Variants in CORO1C observed in about 807,000 individuals in gnomAD.
CORO1C encodes the protein coronin-1C.
Under a neutral mutation model 51.2 loss-of-function variants are expected in CORO1C, and 14 were observed. The ratio of observed to expected loss-of-function variants is 0.27; its 90% CI spans 0.18 to 0.43. The LOEUF (loss-of-function observed/expected upper bound fraction) is 0.43. Among genes scored for constraint, CORO1C ranks in the 20% least tolerant of loss-of-function variants. The pLI, the probability that CORO1C is intolerant of heterozygous loss-of-function variation, is 1.00. For synonymous variants in CORO1C, 181 were observed against 210.5 expected (o/e 0.86, Z 1.21); for missense variants, 417 against 607.8 (o/e 0.69, Z 3.30).
intron 1 of CORO1C, chr12:108,730,373 C>T (rs2035690029): frequency 6.6e-6 from 1 of 152,240 alleles, no homozygotes; most frequent in African/African-American, 2.4e-5. Flanking sequence ...CGCCTCCCTC[C>T]AAGAGGAAGC....
chr12:108,703,647 G>A (rs1055045641), intron 1 of CORO1C, among the ~76,000 whole-genome samples: 1 of 152,200 alleles, frequency 6.6e-6, no homozygotes, highest in Admixed American at 6.5e-5. Flanking sequence ...AGGGATGTGG[G>A]AGAGGGACTA....
intron 1 of CORO1C, among the ~76,000 whole-genome samples, chr12:108,718,110 T>C (rs184040679): frequency 7.4e-4 from 112 of 152,212 alleles, no homozygotes; most frequent in African/African-American, 2.6e-3. Context: ...TCCCAGTACT[T>C]TGGGAGGCCA....
intron 2 of CORO1C, among the ~76,000 whole-genome samples, chr12:108,679,155 AG>A (rs2034031811): frequency 6.2e-5 from 9 of 145,240 alleles, no homozygotes; most frequent in East Asian, 1.9e-4. Context: ...AAAAAAAAAA[AG>A]AAATTTAAAA....
chr12:108,697,222 G>T (rs1365251342), intron 2 of CORO1C, among the ~76,000 whole-genome samples: 1 of 152,134 alleles, frequency 6.6e-6, no homozygotes, highest in Non-Finnish European at 1.5e-5. Flanking sequence ...TTCTGAAAGG[G>T]TCATAATCCA....
At chr12:108,710,146 T>C (rs766548619) in intron 1 of CORO1C, among the ~76,000 whole-genome samples, 3 of 152,204 alleles carry the variant, frequency 2.0e-5, no homozygotes, top group Non-Finnish European at 4.4e-5. Flanking sequence ...ATGGTTTTTA[T>C]TATAATAAAA....
chr12:108,722,418 G>A (rs2035493552), intron 1 of CORO1C, among the ~76,000 whole-genome samples: 1 of 152,168 alleles, frequency 6.6e-6, no homozygotes, highest in South Asian at 2.1e-4. Context: ...GGGCTGCAGT[G>A]GCATGAGACC....
At chr12:108,679,281 A>G (rs1341348540) in intron 2 of CORO1C, among the ~76,000 whole-genome samples, 1 of 152,082 alleles carries the variant, frequency 6.6e-6, no homozygotes, top group African/African-American at 2.4e-5. Context: ...TGCCAGCCAG[A>G]CAATCTAGTT....
intron 1 of CORO1C, among the ~76,000 whole-genome samples, chr12:108,729,210 A>C (rs572761068): frequency 1.3e-5 from 2 of 152,338 alleles, no homozygotes; most frequent in Admixed American, 1.3e-4. Context: ...GTGACAGATA[A>C]GTTAAACATA....
chr12:108,725,926 C>T (rs1176739819), intron 1 of CORO1C, among the ~76,000 whole-genome samples: 1 of 152,082 alleles, frequency 6.6e-6, no homozygotes, highest in Non-Finnish European at 1.5e-5. Flanking sequence ...GCCTCTGCCT[C>T]CCAGGTTTCA....
intron 1 of CORO1C, among the ~76,000 whole-genome samples, chr12:108,715,644 T>G (rs955663418): frequency 3.0e-5 from 1 of 33,798 alleles, no homozygotes. Flanking sequence ...CCTCCCCCCC[T>G]CCCCCCCGCA....
At chr12:108,698,065 GA>G (rs1338884442) in intron 2 of CORO1C, among the ~76,000 whole-genome samples, 8 of 151,778 alleles carry the variant, frequency 5.3e-5, no homozygotes, top group African/African-American at 2.4e-5. Flanking sequence ...CAACTTAGAA[GA>G]AAAAAAAGGC....
chr12:108,649,274 G>C (rs2032531657), intron 8 of CORO1C: 1 of 526,340 alleles, frequency 1.9e-6, no homozygotes, highest in African/African-American at 1.9e-5. Context: ...TACGTATGAT[G>C]ATGACAAATG....
chr12:108,716,325 C>T (rs2035336901), intron 1 of CORO1C, among the ~76,000 whole-genome samples: 1 of 151,938 alleles, frequency 6.6e-6, no homozygotes, highest in South Asian at 2.1e-4. Flanking sequence ...TTTGGCAATA[C>T]TGTTATACCA....
intron 4 of CORO1C, among the ~76,000 whole-genome samples, chr12:108,660,382 C>T (rs909099916): frequency 7.4e-6 from 1 of 134,620 alleles, no homozygotes; most frequent in Non-Finnish European, 1.5e-5. Context: ...ACTCAGGAGG[C>T]GGAGGTTGCG....
At chr12:108,717,260 G>A (rs2035360542) in intron 1 of CORO1C, among the ~76,000 whole-genome samples, 1 of 152,194 alleles carries the variant, frequency 6.6e-6, no homozygotes, top group Admixed American at 6.5e-5. Flanking sequence ...GGACTACTTA[G>A]CCCACAGAGG....
chr12:108,701,900 T>C (rs929766143), intron 1 of CORO1C: 2 of 162,906 alleles, frequency 1.2e-5, no homozygotes, highest in Admixed American at 1.2e-4. Context: ...GACACAGCCA[T>C]CACCCTTGAC....
chr12:108,714,924 C>G (rs2035285516), intron 1 of CORO1C, among the ~76,000 whole-genome samples: 1 of 152,156 alleles, frequency 6.6e-6, no homozygotes, highest in Non-Finnish European at 1.5e-5. Context: ...CAAACCTAAG[C>G]ACTCACTGGC....
intron 3 of CORO1C, among the ~76,000 whole-genome samples, chr12:108,663,487 A>G (rs902733052): frequency 6.6e-6 from 1 of 152,264 alleles, no homozygotes; most frequent in Non-Finnish European, 1.5e-5. Flanking sequence ...ACACTGGAAT[A>G]TTATTTGGCC....
chr12:108,665,110 G>A (rs1401890573), intron 3 of CORO1C, among the ~76,000 whole-genome samples: 2 of 152,196 alleles, frequency 1.3e-5, no homozygotes, highest in Non-Finnish European at 2.9e-5. Flanking sequence ...GACGTGGAGT[G>A]ATGGGAGACT....
Sources: gnomAD v4.1 joint callset for allele counts (sites outside exome capture counted in the v4.1 genomes callset) on GRCh38, gnomAD v4.1.1 for gene constraint, MANE v1.5 for transcripts, NCBI Gene and HGNC (gene_info 2026-07-23, HGNC 2026-07-21) for gene names.